The following TRIL variants were observed in gnomAD, a reference collection of about 807,000 sequenced individuals.
TRIL encodes the protein TLR4 interactor with leucine rich repeats.
TRIL carries 23 observed loss-of-function variants against 43.0 expected under a neutral mutation model. The observed-to-expected ratio is 0.54, with a 90% CI of 0.39 to 0.76. TRIL has a LOEUF of 0.76. Among genes scored for constraint, TRIL ranks in the 30% least tolerant of loss-of-function variants. The probability of loss-of-function intolerance (pLI) is 0.00; values close to 1 mark genes in which losing one functional copy is unlikely to be tolerated. For missense variants in TRIL, 1,114 were observed against 1,139.3 expected (o/e 0.98, Z 0.32); for synonymous variants, 602 against 556.8 (o/e 1.08, Z -1.14).
chr7:28,956,420 C>A lies in TRIL; in HGVS notation c.1627G>T (p.Ala543Ser). 3 of 1,537,678 alleles carry A rather than the reference C, an allele frequency of 2.0e-6. No homozygotes were observed. In the South Asian group the frequency reaches 3.6e-5, roughly 18 times the overall value. ...GTCGCGCGCTGCCAGGGGTCGCCGG[C>A]GGGCGATGGCGCAGAGCCAGGAGAG... is the stretch of plus-strand genomic sequence containing the variant. ...TASPGSAPSPAGDPWQRATKH... is the reference protein window; with the variant it reads ...TASPGSAPSPSGDPWQRATKH... The change falls in exon 1 of 1, where the codon GCC becomes TCC. Residue 543 changes from alanine (A) to serine (S), a missense_variant. Transcript: ENST00000539664.
At position 28,954,603 on chromosome 7, in the gene TRIL, G is replaced by A. The variant is rs968967500; in HGVS notation, c.*1008C>T. ...CTTAACTGCAACTCAAGAGAATTAGGGCACAGTCAACCATGTCACTGATAA... is the reference window on the plus strand; with the variant it reads ...CTTAACTGCAACTCAAGAGAATTAGAGCACAGTCAACCATGTCACTGATAA... On this transcript the variant is annotated 3_prime_UTR_variant, in exon 1 of 1. Coordinates refer to ENST00000539664, the MANE Select transcript of TRIL (RefSeq NM_014817.4). The A allele has an allele frequency of 6.6e-6, 1 of 152,216 alleles. No individual in the cohort carries two copies. Among genetic ancestry groups the A allele is most frequent in the African/African-American group, 2.4e-5 (1 of 41,394 alleles). The allele number at this position is 152,216 out of a possible 1,614,324, so 9.4% of individuals were successfully genotyped here. A position where few individuals can be genotyped will look rare whatever the true frequency, so the allele number is the denominator to read the frequency against.
At position 28,955,374 on chromosome 7, in the gene TRIL, G is replaced by A; in HGVS notation, c.*237C>T. ...AGCTGTGTCAAAGCCTCCAAGCGAA[G>A]CCTCCGACCTCAGCATCCCACCATC... On this transcript the variant is annotated 3_prime_UTR_variant, in exon 1 of 1. Transcript: ENST00000539664. The A allele has an allele frequency of 1.7e-6, 1 of 573,414 alleles. No homozygotes were observed. Among genetic ancestry groups the A allele is most frequent in the Non-Finnish European group, 2.9e-6 (1 of 349,516 alleles). 35.5% of individuals were successfully genotyped at this position (573,414 alleles called of 1,614,324 possible).
chr7:28,956,066 C>T lies in TRIL; in HGVS notation c.1981G>A (p.Val661Met), dbSNP rs1406532885. 1 of 1,552,102 alleles carries T rather than the reference C, an allele frequency of 6.4e-7. No individual in the cohort carries two copies. The highest frequency in any genetic ancestry group is 1.9e-5 in the Admixed American group (1 of 51,934). Reference sequence around the variant, plus strand: ...ACACGGCCCCCAAGCACGCCCTCCACGCACACCAGGTAGGGGGTGTCCCCG... The same window carrying T: ...ACACGGCCCCCAAGCACGCCCTCCATGCACACCAGGTAGGGGGTGTCCCCG... ...LRGDTPYLVCVEGVLGGRVCP... is the reference protein window; with the variant it reads ...LRGDTPYLVCMEGVLGGRVCP... Residue 661 changes from valine to methionine, a missense_variant, in exon 1 of 1, where the codon GTG becomes ATG. Physicochemically the swap from Val to Met is conservative, Grantham distance 21. Transcript: ENST00000539664.
rs1444138681 is a variant in TRIL at position 28,955,089 on chromosome 7, TG to T, written c.*521del. 1.3e-5 allele frequency: 2 copies of T among 154,104 alleles called. No individual in the cohort carries two copies. The highest frequency in any genetic ancestry group is 6.5e-5 in the Admixed American group (1 of 15,320). 9.5% of individuals were successfully genotyped at this position (154,104 alleles called of 1,614,324 possible). On this transcript the variant is annotated 3_prime_UTR_variant, in exon 1 of 1. Transcript: ENST00000539664. ...TATCAGCCAACATAAACGAGTTCCTTGGCGGGTATGTTAAACTTTACCACCT... is the reference window on the plus strand; with the variant it reads ...TATCAGCCAACATAAACGAGTTCCTTGCGGGTATGTTAAACTTTACCACCT...
Position 28,957,010 on chromosome 7 carries a change from G to A in TRIL, c.1037C>T (p.Ala346Val), listed in dbSNP as rs368472340. 1.0e-5 allele frequency: 16 copies of A among 1,580,524 alleles called. No homozygotes were observed. In the African/African-American group the frequency reaches 1.5e-4, roughly 15 times the overall value. The change falls in exon 1 of 1, where the codon GCC becomes GTC. Residue 346 changes from alanine to valine, a missense_variant. By Grantham distance (64) the Ala-to-Val change is moderately conservative. Transcript: ENST00000539664. ...ALSALSGDIFAASPALYRLDL... is the reference protein window; with the variant it reads ...ALSALSGDIFVASPALYRLDL... ...CAGCCGATAAAGGGCTGGGCTGGCGGCGAAGATGTCCCCGGATAGGGCGCT... is the reference window on the plus strand; with the variant it reads ...CAGCCGATAAAGGGCTGGGCTGGCGACGAAGATGTCCCCGGATAGGGCGCT...
In TRIL at chr7:28,957,366, C is replaced by T; in HGVS notation, c.681G>A (p.Pro227=). The part of the protein sequence containing the change: ...PSLRHAATFA[P]LRSLSSLILS... ...GGATGAGGGAGGAGAGGGAGCGCAG[C>T]GGTGCGAAGGTGGCCGCGTGGCGCA... The change falls in exon 1 of 1, where the codon CCG becomes CCA. Residue 227 remains proline, a synonymous_variant. Transcript: ENST00000539664. 2 of 1,613,072 alleles carry T rather than the reference C, an allele frequency of 1.2e-6. No homozygotes were observed. The highest frequency in any genetic ancestry group is 1.7e-6 in the Non-Finnish European group (2 of 1,179,806).
Position 28,955,421 on chromosome 7 carries a change from C to T in TRIL, c.*190G>A. 1.1e-6 allele frequency: 1 copy of T among 888,862 alleles called. No homozygotes were observed. Among genetic ancestry groups the T allele is most frequent in the South Asian group, 2.0e-5 (1 of 49,606 alleles). The allele number at this position is 888,862 out of a possible 1,614,324, so 55.1% of individuals were successfully genotyped here. A position where few individuals can be genotyped will look rare whatever the true frequency, so the allele number is the denominator to read the frequency against. ...CATCCATTTGTCCCCTACTCTGGCT[C>T]TGACCACCAAGTACCATCCATTTAC... On this transcript the variant is annotated 3_prime_UTR_variant, in exon 1 of 1. Transcript: ENST00000539664.
Position 28,957,560 on chromosome 7 carries a change from C to T in TRIL, c.487G>A (p.Asp163Asn). The T allele has an allele frequency of 6.2e-7, 1 of 1,612,350 alleles. No individual in the cohort carries two copies. Among genetic ancestry groups the T allele is most frequent in the Non-Finnish European group, 8.5e-7 (1 of 1,179,614 alleles). Reference sequence around the variant, plus strand: ...GGCAGCGCCCCCAGGGCGTTCCCGTCCAGCCGCAGCTTGACTAGACTCTCC... The same window carrying T: ...GGCAGCGCCCCCAGGGCGTTCCCGTTCAGCCGCAGCTTGACTAGACTCTCC... ...GLESLVKLRL[D>N]GNALGALPDA... is the part of the protein sequence containing the mutation. Residue 163 changes from aspartate to asparagine, a missense_variant, in exon 1 of 1, where the codon GAC (aspartate) becomes AAC (asparagine). Asp to Asn is a conservative substitution (Grantham distance 23, BLOSUM62 1). Coordinates refer to ENST00000539664, the MANE Select transcript of TRIL (RefSeq NM_014817.4).
chr7:28,957,907 C>G lies in TRIL; in HGVS notation c.140G>C (p.Arg47Pro). 1 of 1,612,602 alleles carries G rather than the reference C, an allele frequency of 6.2e-7. No homozygotes were observed. Among genetic ancestry groups the G allele is most frequent in the Non-Finnish European group, 8.5e-7 (1 of 1,179,826 alleles). ...QHLLCTNRGLRVVPKTSSLPS... is the reference protein window; with the variant it reads ...QHLLCTNRGLPVVPKTSSLPS... Reference sequence around the variant, plus strand: ...CAGCGAGCTGGTCTTGGGCACTACGCGGAGCCCCCTGTTGGTGCACAGGAG... The same window carrying G: ...CAGCGAGCTGGTCTTGGGCACTACGGGGAGCCCCCTGTTGGTGCACAGGAG... Residue 47 changes from arginine (R) to proline (P), a missense_variant, in exon 1 of 1, where the codon CGC (arginine) becomes CCC (proline). Transcript: ENST00000539664.
rs1412961279 is a variant in TRIL at position 28,956,412 on chromosome 7, G to A, written c.1635C>T (p.Asp545=). The change falls in exon 1 of 1, where the codon GAC becomes GAT. Residue 545 remains aspartate (D), a synonymous_variant. Transcript: ENST00000539664. ...SPGSAPSPAG[D]PWQRATKHRL... ...GATGCTTCGTCGCGCGCTGCCAGGG[G>A]TCGCCGGCGGGCGATGGCGCAGAGC... 1 of 1,536,840 alleles carries A rather than the reference G, an allele frequency of 6.5e-7. No individual in the cohort carries two copies. Among genetic ancestry groups the A allele is most frequent in the Middle Eastern group, 1.7e-4 (1 of 5,892 alleles).
rs1351804084 is a variant in TRIL, at chr7:28,955,931, T to C, written c.2116A>G (p.Asn706Asp). 7.7e-6 allele frequency: 12 copies of C among 1,553,296 alleles called. No individual in the cohort carries two copies. The East Asian group carries it at 2.4e-4, about 31-fold the overall frequency. ...AAGGCCAGGAGCACCAGCAGCGCGT[T>C]GACCGTCAGCAGGGCCAAGGTCAGC... is the stretch of plus-strand genomic sequence containing the variant. ...QLLTLALLTV[N>D]ALLVLLALAA... The change falls in exon 1 of 1, where the codon AAC becomes GAC. Residue 706 changes from asparagine to aspartate, a missense_variant. Physicochemically the swap from Asn to Asp is conservative, Grantham distance 23 (BLOSUM62 1). Transcript: ENST00000539664.
In TRIL at chr7:28,955,697, A is replaced by G. The variant is rs2128114168; in HGVS notation, c.2350T>C (p.Cys784Arg). 1.3e-6 allele frequency: 2 copies of G among 1,549,956 alleles called. No individual in the cohort carries two copies. Among genetic ancestry groups the G allele is most frequent in the East Asian group, 4.9e-5 (2 of 40,888 alleles). The change falls in exon 1 of 1, where the codon TGC (cysteine) becomes CGC (arginine). Residue 784 changes from cysteine to arginine, a missense_variant. By Grantham distance (180) the Cys-to-Arg change is radical (BLOSUM62 -3). Coordinates refer to ENST00000539664, the MANE Select transcript of TRIL (RefSeq NM_014817.4). ...CCCGCACTGTCCATGAAGCGGTCGC[A>G]GGGGAATTCGATGAGGTCCGCCTCA... The part of the protein sequence containing the change: ...LSEADLIEFP[C>R]DRFMDSAGGG...
chr7:28,955,369 G>A lies in TRIL; in HGVS notation c.*242C>T. On this transcript the variant is annotated 3_prime_UTR_variant, in exon 1 of 1. Coordinates refer to ENST00000539664, the MANE Select transcript of TRIL (RefSeq NM_014817.4). ...CGCATAGCTGTGTCAAAGCCTCCAA[G>A]CGAAGCCTCCGACCTCAGCATCCCA... is the stretch of plus-strand genomic sequence containing the variant. 1 of 561,016 alleles carries A rather than the reference G, an allele frequency of 1.8e-6. No homozygotes were observed. The allele number at this position is 561,016 out of a possible 1,614,324, so 34.8% of individuals were successfully genotyped here.
rs1783415117 is a variant in TRIL, at chr7:28,957,004, C to T, written c.1043G>A (p.Ser348Asn). 3.2e-6 allele frequency: 5 copies of T among 1,580,734 alleles called. No homozygotes were observed. The highest frequency in any genetic ancestry group is 4.3e-6 in the Non-Finnish European group (5 of 1,164,856). The change falls in exon 1 of 1, where the codon AGC becomes AAC. Residue 348 changes from serine to asparagine, a missense_variant. By Grantham distance (46) the Ser-to-Asn change is conservative (BLOSUM62 1). Transcript: ENST00000539664. ...SALSGDIFAASPALYRLDLDG... is the reference protein window; with the variant it reads ...SALSGDIFAANPALYRLDLDG... The stretch of plus-strand genomic sequence containing the variant: ...TAGATCCAGCCGATAAAGGGCTGGG[C>T]TGGCGGCGAAGATGTCCCCGGATAG...
rs1783432912 is a variant in TRIL, at chr7:28,957,859, G to A, written c.188C>T (p.Thr63Ile). ...SSLPSPHDVL[T>I]YSLGGNFITN... ...TATGAAGTTGCCGCCGAGGCTGTAG[G>A]TGAGCACGTCGTGGGGGCTCGGCAG... Residue 63 changes from threonine to isoleucine, a missense_variant, in exon 1 of 1, where the codon ACC becomes ATC. Thr to Ile is a moderately conservative substitution (Grantham distance 89). Coordinates refer to ENST00000539664, the MANE Select transcript of TRIL (RefSeq NM_014817.4). The A allele has an allele frequency of 6.2e-7, 1 of 1,613,828 alleles. No homozygotes were observed. The highest frequency in any genetic ancestry group is 8.5e-7 in the Non-Finnish European group (1 of 1,179,820).
chr7:28,956,423 GC>G lies in TRIL; in HGVS notation c.1623del (p.Ala543ProfsTer48), dbSNP rs1453308485. The G allele has an allele frequency of 1.9e-6, 3 of 1,538,858 alleles. No homozygotes were observed. Among genetic ancestry groups the G allele is most frequent in the Non-Finnish European group, 1.7e-6 (2 of 1,148,968 alleles). On this transcript the variant is annotated frameshift_variant, in exon 1 of 1. Transcript: ENST00000539664. LOFTEE classifies it high-confidence loss of function. Reference protein sequence around the residue: ...TPTASPGSAPSPAGDPWQRAT... With the variant: ...TPTASPGSAPXPAGDPWQRAT... ...GCGCGCTGCCAGGGGTCGCCGGCGGGCGATGGCGCAGAGCCAGGAGAGGCCG... is the reference window on the plus strand; with the variant it reads ...GCGCGCTGCCAGGGGTCGCCGGCGGGGATGGCGCAGAGCCAGGAGAGGCCG...
chr7:28,955,851 G>A lies in TRIL; in HGVS notation c.2196C>T (p.Gly732=), dbSNP rs1414366786. ...TGTGCCGAACGTGGACCGGGGCCCC[G>A]CCCTTCCGCCTAGCCCGCAGTTTCC... ...LRRKLRARRK[G]GAPVHVRHMY... The change falls in exon 1 of 1, where the codon GGC becomes GGT. Residue 732 remains glycine (G), a synonymous_variant. Coordinates refer to ENST00000539664, the MANE Select transcript of TRIL (RefSeq NM_014817.4). 5 of 1,549,624 alleles carry A rather than the reference G, an allele frequency of 3.2e-6. No homozygotes were observed. Among genetic ancestry groups the A allele is most frequent in the Non-Finnish European group, 1.7e-6 (2 of 1,146,798 alleles).
Position 28,956,707 on chromosome 7 carries a change from G to T in TRIL, c.1340C>A (p.Ala447Glu). 6.3e-7 allele frequency: 1 copy of T among 1,592,268 alleles called. No homozygotes were observed. Among genetic ancestry groups the T allele is most frequent in the Non-Finnish European group, 8.5e-7 (1 of 1,172,128 alleles). Residue 447 changes from alanine (A) to glutamate (E), a missense_variant, in exon 1 of 1, where the codon GCG (alanine) becomes GAG (glutamate). Physicochemically the swap from Ala to Glu is moderately radical, Grantham distance 107 (BLOSUM62 -1). Coordinates refer to ENST00000539664, the MANE Select transcript of TRIL (RefSeq NM_014817.4). ...GEEMTPPAGL[A>E]EELPPQPQLQ... ...CTGCGGCTGCGGCGGCAGCTCCTCCGCGAGACCTGCAGGTGGCGTCATCTC... is the reference window on the plus strand; with the variant it reads ...CTGCGGCTGCGGCGGCAGCTCCTCCTCGAGACCTGCAGGTGGCGTCATCTC...
In TRIL at chr7:28,955,709, T is replaced by C. The variant is rs1426910655; in HGVS notation, c.2338A>G (p.Ile780Val). The C allele has an allele frequency of 3.9e-6, 6 of 1,550,158 alleles. No homozygotes were observed. In the East Asian group the frequency reaches 1.5e-4, roughly 38 times the overall value. The change falls in exon 1 of 1, where the codon ATC (isoleucine) becomes GTC (valine). Residue 780 changes from isoleucine (I) to valine (V), a missense_variant. Ile to Val is a conservative substitution (Grantham distance 29). Transcript: ENST00000539664. ...ATGAAGCGGTCGCAGGGGAATTCGA[T>C]GAGGTCCGCCTCACTGAGCGCGCAC... ...TVCALSEADL[I>V]EFPCDRFMDS...
Sources: gnomAD v4.1 joint callset for allele counts on GRCh38, gnomAD v4.1.1 for gene constraint, MANE v1.5 for transcripts, NCBI Gene and HGNC (gene_info 2026-07-23, HGNC 2026-07-21) for gene names.